CUX2: variants seen among roughly 807,000 people sequenced by gnomAD.
The protein encoded by CUX2 is homeobox protein cut-like 2.
Under a neutral mutation model 144.8 loss-of-function variants are expected in CUX2, and 40 were observed. That is an observed-to-expected ratio of 0.28 (90% CI 0.21 to 0.36). The LOEUF (loss-of-function observed/expected upper bound fraction) is 0.36, where lower values mean the gene tolerates loss of function less well. Ranked by LOEUF, CUX2 falls within the 10% of genes least tolerant of loss-of-function variation. The pLI, the probability that CUX2 is intolerant of heterozygous loss-of-function variation, is 1.00. For missense variants in CUX2, 1,615 were observed against 1,994.0 expected (o/e 0.81, Z 3.62); for synonymous variants, 827 against 875.6 (o/e 0.94, Z 0.98).
intron 1 of CUX2, among the ~76,000 whole-genome samples, chr12:111,173,496 G>A (rs893153770): frequency 3.9e-5 from 6 of 152,208 alleles, no homozygotes; most frequent in Non-Finnish European, 5.9e-5. Context: ...GGTGCTGGGC[G>A]CACAGGGGTA....
At chr12:111,070,012 G>A (rs1455907576) in intron 1 of CUX2, among the ~76,000 whole-genome samples, 3 of 152,106 alleles carry the variant, frequency 2.0e-5, no homozygotes, top group East Asian at 1.9e-4. Context: ...TGGGAGGGTC[G>A]CTGCATGGGG....
At chr12:111,269,176 A>G (rs962018571) in intron 4 of CUX2, among the ~76,000 whole-genome samples, 3 of 152,190 alleles carry the variant, frequency 2.0e-5, no homozygotes, top group Admixed American at 6.5e-5. Context: ...TATTCTCCTT[A>G]TCATATATGT....
At chr12:111,193,785 TC>T (rs1216238807) in intron 1 of CUX2, among the ~76,000 whole-genome samples, 1 of 152,036 alleles carries the variant, frequency 6.6e-6, no homozygotes, top group Non-Finnish European at 1.5e-5. Context: ...GATGTCAAGG[TC>T]GGGGGAAGCC....
At chr12:111,182,036 C>T (rs945751303) in intron 1 of CUX2, among the ~76,000 whole-genome samples, 1 of 151,928 alleles carries the variant, frequency 6.6e-6, no homozygotes, top group Admixed American at 6.6e-5. Context: ...GGGAGGCGCA[C>T]AGGGAGGTGG....
chr12:111,225,434 G>A (rs948925815), intron 3 of CUX2, among the ~76,000 whole-genome samples: 3 of 152,340 alleles, frequency 2.0e-5, no homozygotes, highest in Non-Finnish European at 2.9e-5. Flanking sequence ...ATCACTTAGC[G>A]GGATGCCTGT....
intron 4 of CUX2, among the ~76,000 whole-genome samples, chr12:111,290,257 C>T (rs557778646): frequency 4.6e-5 from 7 of 152,190 alleles, no homozygotes; most frequent in Admixed American, 3.9e-4. Context: ...CCCAGCTACT[C>T]GGGAGGCTGA....
intron 3 of CUX2, among the ~76,000 whole-genome samples, chr12:111,222,035 A>G (rs1305500733): frequency 2.6e-5 from 4 of 152,228 alleles, no homozygotes; most frequent in Non-Finnish European, 2.9e-5. Context: ...CGCTAATTAT[A>G]AAAGTTGCTT....
chr12:111,261,294 A>G (rs1884111524), intron 3 of CUX2, among the ~76,000 whole-genome samples: 1 of 152,014 alleles, frequency 6.6e-6, no homozygotes, highest in Non-Finnish European at 1.5e-5. Flanking sequence ...GTCCGTGGAG[A>G]CAGACTCTCA....
intron 3 of CUX2, among the ~76,000 whole-genome samples, chr12:111,224,392 C>G (rs1882016116): frequency 6.6e-6 from 1 of 152,062 alleles, no homozygotes; most frequent in Non-Finnish European, 1.5e-5. Flanking sequence ...CCTCCCTGCT[C>G]TGGCCCCGAG....
At chr12:111,306,848 A>G in intron 10 of CUX2, 73 bp from the exon 11 acceptor site, 1 of 1,274,190 alleles carries the variant, frequency 7.8e-7, no homozygotes, top group Non-Finnish European at 1.1e-6. Flanking sequence ...CTTGGGATTC[A>G]GGGGTGGGGA....
rs779108896 is a variant in CUX2 at position 111,246,095 on chromosome 12, G to C, written c.223-17666G>C. On this transcript the variant is annotated intron_variant, in intron 3 of 21. Coordinates refer to ENST00000261726, the MANE Select transcript of CUX2 (RefSeq NM_015267.4). This position sits in a 1 kb window ranked among gnomAD's most constrained non-coding sequence, Gnocchi z 4.0. ...CTGTCTCCCGATCCCTACTCTGCCA[G>C]CTTTCCTAGCTGCATGACCCGGGGC... Among the ~76,000 whole-genome samples, 12 of 152,142 alleles carry C rather than the reference G, an allele frequency of 7.9e-5. No homozygotes were observed. The highest frequency in any genetic ancestry group is 1.5e-5 in the Non-Finnish European group (1 of 68,028).
chr12:111,197,029 G>C (rs1169086156), intron 1 of CUX2, among the ~76,000 whole-genome samples: 1 of 152,152 alleles, frequency 6.6e-6, no homozygotes, highest in South Asian at 2.1e-4. Context: ...TTAAATTGGG[G>C]CATCTTGTAG....
At chr12:111,180,530 G>T (rs866965531) in intron 1 of CUX2, among the ~76,000 whole-genome samples, 1 of 152,188 alleles carries the variant, frequency 6.6e-6, no homozygotes, top group Non-Finnish European at 1.5e-5. Context: ...CTTTGGATTC[G>T]TGTCAACATA....
chr12:111,262,803 T>C (rs1884190641), intron 3 of CUX2, among the ~76,000 whole-genome samples: 1 of 152,230 alleles, frequency 6.6e-6, no homozygotes, highest in Non-Finnish European at 1.5e-5. Flanking sequence ...TTTAACAATT[T>C]CTCTTTCATT....
chr12:111,046,726 G>A (rs905221637), intron 1 of CUX2, among the ~76,000 whole-genome samples: 3 of 151,978 alleles, frequency 2.0e-5, no homozygotes, highest in Non-Finnish European at 2.9e-5. Flanking sequence ...GCGCAATCTC[G>A]GCTTACTGCA....
At chr12:111,175,885 C>T (rs1786887631) in intron 1 of CUX2, among the ~76,000 whole-genome samples, 1 of 151,600 alleles carries the variant, frequency 6.6e-6, no homozygotes, top group Non-Finnish European at 1.5e-5. Context: ...GACGGCTGAA[C>T]TGTTGAACTT....
At chr12:111,341,162 C>T (rs1412625537) in intron 20 of CUX2, among the ~76,000 whole-genome samples, 4 of 152,170 alleles carry the variant, frequency 2.6e-5, no homozygotes, top group African/African-American at 9.6e-5. Context: ...GGCATGGTGG[C>T]GTGCACCTGT....
intron 18 of CUX2, among the ~76,000 whole-genome samples, chr12:111,329,220 G>A (rs886707847): frequency 6.6e-6 from 1 of 151,080 alleles, no homozygotes; most frequent in African/African-American, 2.4e-5. Context: ...ACTGGGATGG[G>A]TTGGTCACTC....
chr12:111,320,628 G>A lies in CUX2; in HGVS notation c.2619G>A (p.Pro873=), dbSNP rs1159968165. The A allele has an allele frequency of 5.7e-6, 9 of 1,590,822 alleles. No individual in the cohort carries two copies. Among genetic ancestry groups the A allele is most frequent in the Non-Finnish European group, 7.7e-6 (9 of 1,176,402 alleles). The change falls in exon 17 of 22, where the codon CCG becomes CCA. Residue 873 remains proline, a synonymous_variant. Coordinates refer to ENST00000261726, the MANE Select transcript of CUX2 (RefSeq NM_015267.4). This position sits in a 1 kb window ranked among gnomAD's most constrained non-coding sequence, Gnocchi z 8.1. The part of the protein sequence containing the change: ...ARLPYYPAYV[P]RTLKPTVPPL... Reference sequence around the variant, plus strand: ...TGCCCTACTACCCGGCCTACGTGCCGCGCACCCTGAAGCCCACCGTGCCGC... The same window carrying A: ...TGCCCTACTACCCGGCCTACGTGCCACGCACCCTGAAGCCCACCGTGCCGC...
Sources: gnomAD v4.1 joint callset for allele counts (sites outside exome capture counted in the v4.1 genomes callset) on GRCh38, gnomAD v4.1.1 for gene constraint, Gnocchi (gnomAD v3.1) non-coding constraint, MANE v1.5 for transcripts, NCBI Gene and HGNC (gene_info 2026-07-23, HGNC 2026-07-21) for gene names.